Variants in MAP3K4 observed in about 807,000 individuals in gnomAD.
MAP3K4 encodes mitogen-activated protein kinase kinase kinase 4.
Under a neutral mutation model 185.6 loss-of-function variants are expected in MAP3K4, and 67 were observed. That is an observed-to-expected ratio of 0.36 (90% CI 0.30 to 0.44). MAP3K4 has a LOEUF of 0.44. Among genes scored for constraint, MAP3K4 ranks in the 20% least tolerant of loss-of-function variants. The probability of loss-of-function intolerance (pLI) is 1.00; values close to 1 mark genes in which losing one functional copy is unlikely to be tolerated. For synonymous variants in MAP3K4, 702 were observed against 710.4 expected (o/e 0.99, Z 0.19); for missense variants, 1,551 against 1,995.1 (o/e 0.78, Z 4.24).
rs765385964 is a variant in MAP3K4 at position 160,991,924 on chromosome 6, G to A, written c.-8G>A. On this transcript the variant is annotated 5_prime_UTR_variant, in exon 1 of 27. It adds an upstream start codon to the 5' untranslated region. Transcript: ENST00000392142. The surrounding 1 kb of genome is among the most constrained non-coding windows in gnomAD (Gnocchi z 5.7). ...GCCCGCCGCGGCCATGCGGGGCTCCGTGCACGGATGAGAGAAGCCGCTGCC... is the reference window on the plus strand; with the variant it reads ...GCCCGCCGCGGCCATGCGGGGCTCCATGCACGGATGAGAGAAGCCGCTGCC... The A allele has an allele frequency of 2.2e-5, 33 of 1,531,034 alleles. No individual in the cohort carries two copies. Among genetic ancestry groups the A allele is most frequent in the African/African-American group, 5.7e-5 (4 of 70,660 alleles). The allele number at this position is 1,531,034 out of a possible 1,614,324, so 94.8% of individuals were successfully genotyped here.
In MAP3K4 at chr6:161,097,691, G is replaced by T. The variant is rs1162531653; in HGVS notation, c.3524+515G>T. ...TGTGGTGGCATTTCTGCATCTTGAG[G>T]TAGTGAGCACCTTCTCTCGCCTGTA... On this transcript the variant is annotated intron_variant, in intron 16 of 26. Coordinates refer to ENST00000392142, the MANE Select transcript of MAP3K4 (RefSeq NM_005922.4). This position sits in a 1 kb window ranked among gnomAD's most constrained non-coding sequence, Gnocchi z 4.9. Among the ~76,000 whole-genome samples the T allele has an allele frequency of 1.3e-5, 2 of 152,142 alleles. No homozygotes were observed. The highest frequency in any genetic ancestry group is 4.8e-5 in the African/African-American group (2 of 41,436).
intron 3 of MAP3K4, among the ~76,000 whole-genome samples, chr6:161,050,906 G>A (rs1384750171): frequency 6.6e-6 from 1 of 152,180 alleles, no homozygotes; most frequent in African/African-American, 2.4e-5. Context: ...GGTATCAGAG[G>A]TGGTTTGGTT....
At chr6:161,009,174 G>A (rs182963225) in intron 1 of MAP3K4, among the ~76,000 whole-genome samples, 8 of 151,872 alleles carry the variant, frequency 5.3e-5, no homozygotes, top group Non-Finnish European at 7.4e-5. Context: ...TAGTAGAGAC[G>A]GGGTTTCACA....
In MAP3K4 at chr6:161,056,297, A is replaced by C. The variant is rs1313506097; in HGVS notation, c.1707+6318A>C. Among the ~76,000 whole-genome samples, 2 of 152,106 alleles carry C rather than the reference A, an allele frequency of 1.3e-5. No individual in the cohort carries two copies. Among genetic ancestry groups the C allele is most frequent in the Non-Finnish European group, 2.9e-5 (2 of 68,028 alleles). ...GGAGCTCTGGTTCCTTTTACTGGATAATTGTATTTAGAAATGAAGATGTGG... is the reference window on the plus strand; with the variant it reads ...GGAGCTCTGGTTCCTTTTACTGGATCATTGTATTTAGAAATGAAGATGTGG... On this transcript the variant is annotated intron_variant, in intron 3 of 26. Coordinates refer to ENST00000392142, the MANE Select transcript of MAP3K4 (RefSeq NM_005922.4). The surrounding 1 kb of genome is among the most constrained non-coding windows in gnomAD (Gnocchi z 5.4).
chr6:161,073,240 A>C lies in MAP3K4; in HGVS notation c.1951-226A>C, dbSNP rs536488978. 2 of 372,138 alleles carry C rather than the reference A, an allele frequency of 5.4e-6. No individual in the cohort carries two copies. The allele number at this position is 372,138 out of a possible 1,614,324, so 23.1% of individuals were successfully genotyped here. A position where few individuals can be genotyped will look rare whatever the true frequency, so the allele number is the denominator to read the frequency against. ...TATATGGTATTTTCTCTGTGTATCC[A>C]TGCTGTAGTATTAAATTCTTTTATT... On this transcript the variant is annotated intron_variant, in intron 4 of 26. Transcript: ENST00000392142. The surrounding 1 kb of genome is among the most constrained non-coding windows in gnomAD (Gnocchi z 4.2).
In MAP3K4 at chr6:161,048,644, A is replaced by C; in HGVS notation, c.372A>C (p.Pro124=). 1.9e-6 allele frequency: 3 copies of C among 1,602,260 alleles called. No homozygotes were observed. Among genetic ancestry groups the C allele is most frequent in the Non-Finnish European group, 2.5e-6 (3 of 1,176,490 alleles). Residue 124 remains proline, a synonymous_variant, in exon 3 of 27, where the codon CCA becomes CCC. Coordinates refer to ENST00000392142, the MANE Select transcript of MAP3K4 (RefSeq NM_005922.4). This position sits in a 1 kb window ranked among gnomAD's most constrained non-coding sequence, Gnocchi z 4.7. The part of the protein sequence containing the change: ...KEKMNAPNQP[P]HKDTGKTVEN... ...AAATGAATGCACCAAATCAGCCTCC[A>C]CATAAAGACACTGGAAAAACAGTGG...
chr6:161,069,803 G>A (rs1480832634), intron 3 of MAP3K4, among the ~76,000 whole-genome samples: 1 of 152,070 alleles, frequency 6.6e-6, no homozygotes, highest in Non-Finnish European at 1.5e-5. Flanking sequence ...ATGGGGAGGG[G>A]AGAAATAGCT....
chr6:161,092,451 T>G (rs1352164755), intron 13 of MAP3K4, among the ~76,000 whole-genome samples: 1 of 152,146 alleles, frequency 6.6e-6, no homozygotes, highest in Non-Finnish European at 1.5e-5. Context: ...AGAAACCATT[T>G]TGGAATTTGC....
chr6:161,101,853 A>G lies in MAP3K4; in HGVS notation c.3675-39A>G, dbSNP rs1284276740. ...TCGCAGATCTTTCATTTTAAGTTCT[A>G]TTGAATTGATAGCTCAATTATTAAA... is the stretch of plus-strand genomic sequence containing the variant. On this transcript the variant is annotated intron_variant, in intron 17 of 26. Transcript: ENST00000392142. The surrounding 1 kb of genome is among the most constrained non-coding windows in gnomAD (Gnocchi z 5.1). 1 of 1,508,216 alleles carries G rather than the reference A, an allele frequency of 6.6e-7. No homozygotes were observed. Among genetic ancestry groups the G allele is most frequent in the Admixed American group, 1.7e-5 (1 of 59,038 alleles). 93.4% of individuals were successfully genotyped at this position (1,508,216 alleles called of 1,614,324 possible).
intron 2 of MAP3K4, among the ~76,000 whole-genome samples, chr6:161,040,101 C>T (rs931834492): frequency 6.6e-6 from 1 of 152,164 alleles, no homozygotes. Flanking sequence ...GATACTCCTA[C>T]CAACAATGTA....
intron 11 of MAP3K4, among the ~76,000 whole-genome samples, chr6:161,090,598 C>T (rs1194704154): frequency 9.5e-6 from 1 of 105,664 alleles, no homozygotes; most frequent in African/African-American, 3.2e-5. Context: ...GGGCCCGTAA[C>T]TCTTGGTCAT....
intron 1 of MAP3K4, among the ~76,000 whole-genome samples, chr6:160,993,679 A>G (rs180954507): frequency 6.6e-6 from 1 of 152,302 alleles, no homozygotes; most frequent in Non-Finnish European, 1.5e-5. Context: ...CTTAGGTAAA[A>G]GCGAGAAGGG....
Position 161,117,014 on chromosome 6 carries a change from G to C in MAP3K4, c.*144G>C, listed in dbSNP as rs370165133. ...ACAGGTGACAAGCGTCACTTCTCCTGCTGCTCCTGTTTGTCTGATGTGGCA... is the reference window on the plus strand; with the variant it reads ...ACAGGTGACAAGCGTCACTTCTCCTCCTGCTCCTGTTTGTCTGATGTGGCA... On this transcript the variant is annotated 3_prime_UTR_variant, in exon 27 of 27. Transcript: ENST00000392142. The C allele has an allele frequency of 9.4e-5, 69 of 737,304 alleles. No individual in the cohort carries two copies. The highest frequency in any genetic ancestry group is 6.3e-4 in the East Asian group (24 of 38,270). The allele number at this position is 737,304 out of a possible 1,614,324, so 45.7% of individuals were successfully genotyped here. A position where few individuals can be genotyped will look rare whatever the true frequency, so the allele number is the denominator to read the frequency against.
At chr6:161,026,733 CTTTTTTT>C (rs553664182) in intron 1 of MAP3K4, among the ~76,000 whole-genome samples, 4 of 96,100 alleles carry the variant, frequency 4.2e-5, no homozygotes, top group South Asian at 3.3e-4. Flanking sequence ...GTTCTCTCTC[CTTTTTTT>C]TTTTTTTTTT....
chr6:161,005,493 G>A (rs967166208), intron 1 of MAP3K4, among the ~76,000 whole-genome samples: 3 of 151,886 alleles, frequency 2.0e-5, no homozygotes, highest in Non-Finnish European at 4.4e-5. Context: ...GAATGGTGTA[G>A]GTATCTAATG....
chr6:161,034,126 T>C lies in MAP3K4; in HGVS notation c.153-133T>C. ...CCTTTTGAGTTTTCACAGGTAAAAATGAGGAGGAGCACAGTGCTGAAGAGA... is the reference window on the plus strand; with the variant it reads ...CCTTTTGAGTTTTCACAGGTAAAAACGAGGAGGAGCACAGTGCTGAAGAGA... On this transcript the variant is annotated intron_variant, in intron 1 of 26. Coordinates refer to ENST00000392142, the MANE Select transcript of MAP3K4 (RefSeq NM_005922.4). The surrounding 1 kb of genome is among the most constrained non-coding windows in gnomAD (Gnocchi z 4.4). 4 of 608,136 alleles carry C rather than the reference T, an allele frequency of 6.6e-6. No individual in the cohort carries two copies. 37.7% of individuals were successfully genotyped at this position (608,136 alleles called of 1,614,324 possible).
At chr6:161,031,520 G>T (rs999477249) in intron 1 of MAP3K4, among the ~76,000 whole-genome samples, 11 of 152,094 alleles carry the variant, frequency 7.2e-5, no homozygotes, top group African/African-American at 2.4e-4. Context: ...AATCAGCTGT[G>T]CTTGTCTTTT....
rs552283175 is a variant in MAP3K4 at position 161,097,810 on chromosome 6, G to C, written c.3525-468G>C. Among the ~76,000 whole-genome samples, 1 of 152,070 alleles carries C rather than the reference G, an allele frequency of 6.6e-6. No individual in the cohort carries two copies. Among genetic ancestry groups the C allele is most frequent in the African/African-American group, 2.4e-5 (1 of 41,414 alleles). The stretch of plus-strand genomic sequence containing the variant: ...TTTTTTTAAAGCTTTGAGGGGACCG[G>C]GGTGCGGTGACTCACGCCTGTAATT... On this transcript the variant is annotated intron_variant, in intron 16 of 26. Transcript: ENST00000392142. This position sits in a 1 kb window ranked among gnomAD's most constrained non-coding sequence, Gnocchi z 4.9.
chr6:161,049,581 G>A lies in MAP3K4; in HGVS notation c.1309G>A (p.Gly437Ser), dbSNP rs199793257. 233 of 1,614,172 alleles carry A rather than the reference G, an allele frequency of 1.4e-4. 2 individuals are homozygous for A. Among genetic ancestry groups the A allele is most frequent in the South Asian group, 1.1e-3 (100 of 91,088 alleles). The change falls in exon 3 of 27, where the codon GGT (glycine) becomes AGT (serine). Residue 437 changes from glycine to serine, a missense_variant. Physicochemically the swap from Gly to Ser is moderately conservative, Grantham distance 56 (BLOSUM62 0). Transcript: ENST00000392142. This position sits in a 1 kb window ranked among gnomAD's most constrained non-coding sequence, Gnocchi z 8.4. ...FEIPSPRPSK[G>S]NEPEYEGDDT... ...AATCCCTTCCCCTCGACCATCCAAA[G>A]GTAATGAGCCGGAGTATGAGGGTGA...
Sources: gnomAD v4.1 joint callset for allele counts (sites outside exome capture counted in the v4.1 genomes callset) on GRCh38, gnomAD v4.1.1 for gene constraint, Gnocchi (gnomAD v3.1) non-coding constraint, MANE v1.5 for transcripts, NCBI Gene and HGNC (gene_info 2026-07-23, HGNC 2026-07-21) for gene names.